The following CDH12 variants were observed in gnomAD, a reference collection of about 807,000 sequenced individuals.
CDH12 encodes the protein cadherin-12.
CDH12 carries 41 observed loss-of-function variants against 74.1 expected under a neutral mutation model. The ratio of observed to expected loss-of-function variants is 0.55; its 90% confidence interval spans 0.43 to 0.72. The LOEUF (loss-of-function observed/expected upper bound fraction) is 0.72, where lower values mean the gene tolerates loss of function less well. Ranked by LOEUF, CDH12 falls within the 30% of genes least tolerant of loss-of-function variation. The probability of loss-of-function intolerance (pLI) is 0.00; values close to 1 mark genes in which losing one functional copy is unlikely to be tolerated. For synonymous variants in CDH12, 399 were observed against 355.0 expected, an observed-to-expected ratio of 1.12 and a Z score of -1.39; for missense variants, 945 against 977.2, an observed-to-expected ratio of 0.97 and a Z score of 0.44.
chr5:22,425,445 T>C (rs906667522), intron 2 of CDH12, among the ~76,000 whole-genome samples: 2 of 151,466 alleles, frequency 1.3e-5, no homozygotes, highest in Non-Finnish European at 2.9e-5. Flanking sequence ...GCAGTTCCTG[T>C]AGCACAGCGT....
intron 4 of CDH12, among the ~76,000 whole-genome samples, chr5:22,156,486 T>G (rs1748030188): frequency 6.6e-6 from 1 of 152,138 alleles, no homozygotes; most frequent in African/African-American, 2.4e-5. Flanking sequence ...ATACTTTATG[T>G]AAAATCGTAT....
chr5:21,883,089 G>T, intron 6 of CDH12: 2 of 1,606,086 alleles, frequency 1.2e-6, no homozygotes, highest in African/African-American at 1.3e-5. Context: ...CACCCCTGAA[G>T]AAATTGCACA....
intron 1 of CDH12, among the ~76,000 whole-genome samples, chr5:22,671,653 T>C (rs1740904400): frequency 6.6e-6 from 1 of 152,032 alleles, no homozygotes; most frequent in Admixed American, 6.6e-5. Flanking sequence ...AGAAAGTGTT[T>C]ATAGGCCAAG....
rs548383646 is a variant in CDH12, at chr5:22,504,280, T to C, written c.-428+990A>G. Reference sequence around the variant, plus strand: ...AAATTTGTATTTTTTTCCTCAAATCTGATAGCTGAAATTAATTGATAATGT... The same window carrying C: ...AAATTTGTATTTTTTTCCTCAAATCCGATAGCTGAAATTAATTGATAATGT... On this transcript the variant is annotated intron_variant, in intron 2 of 14. Transcript: ENST00000382254. 1.5e-4 allele frequency among the ~76,000 whole-genome samples: 23 copies of C among 152,150 alleles called. 1 individual carries two copies. The South Asian group carries it at 4.8e-3, about 32-fold the overall frequency.
At chr5:22,750,784 C>T (rs907962418) in intron 1 of CDH12, among the ~76,000 whole-genome samples, 2 of 151,762 alleles carry the variant, frequency 1.3e-5, no homozygotes, top group African/African-American at 2.4e-5. Flanking sequence ...AGTAAAATAC[C>T]TGCAAGATAC....
intron 3 of CDH12, among the ~76,000 whole-genome samples, chr5:22,339,288 C>G (rs1297150736): frequency 6.6e-6 from 1 of 152,096 alleles, no homozygotes. Context: ...GGATTTCAAA[C>G]CTTAGGTTGG....
At chr5:21,918,135 C>T (rs17299528) in intron 6 of CDH12, among the ~76,000 whole-genome samples, 6,322 of 104,664 alleles carry the variant, frequency 0.06, 180 homozygotes, top group Middle Eastern at 0.11. Context: ...TGATACACTG[C>T]TATTTTTAAA....
At chr5:21,932,511 T>A (rs1754886633) in intron 6 of CDH12, among the ~76,000 whole-genome samples, 1 of 152,164 alleles carries the variant, frequency 6.6e-6, no homozygotes, top group Non-Finnish European at 1.5e-5. Flanking sequence ...GTTTGAAACA[T>A]CCAGAATTTT....
At chr5:22,306,983 C>T (rs1738142411) in intron 3 of CDH12, among the ~76,000 whole-genome samples, 1 of 152,096 alleles carries the variant, frequency 6.6e-6, no homozygotes, top group African/African-American at 2.4e-5. Flanking sequence ...TAGTTATATG[C>T]TGATATGAAA....
At chr5:22,061,277 T>G (rs897884481) in intron 5 of CDH12, among the ~76,000 whole-genome samples, 4 of 152,168 alleles carry the variant, frequency 2.6e-5, no homozygotes, top group Admixed American at 2.6e-4. Flanking sequence ...TGATTAAATG[T>G]CAGGGGCAAT....
At chr5:22,092,488 G>C (rs1371233905) in intron 4 of CDH12, among the ~76,000 whole-genome samples, 2 of 152,018 alleles carry the variant, frequency 1.3e-5, no homozygotes, top group East Asian at 1.9e-4. Context: ...ATACACACAT[G>C]GACAATATGC....
chr5:22,505,658 C>T (rs2126663251), intron 1 of CDH12, among the ~76,000 whole-genome samples: 1 of 152,116 alleles, frequency 6.6e-6, no homozygotes, highest in South Asian at 2.1e-4. Flanking sequence ...ATTGAGTTCA[C>T]TAGTTTTTCT....
intron 4 of CDH12, among the ~76,000 whole-genome samples, chr5:22,117,282 A>G (rs1342594085): frequency 6.7e-6 from 1 of 150,174 alleles, no homozygotes; most frequent in Non-Finnish European, 1.5e-5. Flanking sequence ...ACAAAGAGCC[A>G]GACTCTAAAT....
chr5:22,783,130 G>A (rs942261536), intron 1 of CDH12, among the ~76,000 whole-genome samples: 4 of 152,022 alleles, frequency 2.6e-5, no homozygotes, highest in Admixed American at 1.3e-4. Context: ...AAATGACTAG[G>A]TTTTGCTTTT....
At chr5:22,265,794 TAA>T (rs945619148) in intron 3 of CDH12, among the ~76,000 whole-genome samples, 32 of 152,004 alleles carry the variant, frequency 2.1e-4, no homozygotes, top group Middle Eastern at 3.2e-3. Flanking sequence ...TAAGATAATA[TAA>T]GAGGGAAGAT....
chr5:21,994,764 A>G (rs1244435216), intron 5 of CDH12, among the ~76,000 whole-genome samples: 3 of 152,152 alleles, frequency 2.0e-5, no homozygotes, highest in Non-Finnish European at 4.4e-5. Context: ...TAGCTAAACG[A>G]TTGTAAACAC....
chr5:22,537,869 A>G (rs1737926221), intron 1 of CDH12, among the ~76,000 whole-genome samples: 1 of 152,232 alleles, frequency 6.6e-6, no homozygotes, highest in African/African-American at 2.4e-5. Flanking sequence ...TGAAGACTTT[A>G]AGAAAAGGCT....
rs1278108843 is a variant in CDH12, at chr5:22,493,820, G to A, written c.-428+11450C>T. ...CCACAGGGCCTTAGATGAGACCATG[G>A]GACCTGGAAACAAGCCTGCAATGTA... On this transcript the variant is annotated intron_variant, in intron 2 of 14. Coordinates refer to ENST00000382254, the MANE Select transcript of CDH12 (RefSeq NM_004061.5). Among the ~76,000 whole-genome samples, 5 of 152,084 alleles carry A rather than the reference G, an allele frequency of 3.3e-5. No individual in the cohort carries two copies. In the East Asian group the frequency reaches 9.7e-4, roughly 29 times the overall value.
chr5:22,441,365 A>G (rs1310645685), intron 2 of CDH12, among the ~76,000 whole-genome samples: 2 of 152,172 alleles, frequency 1.3e-5, no homozygotes, highest in East Asian at 3.8e-4. Context: ...GGTAGCTTGC[A>G]TATCATTGAA....
Sources: allele counts gnomAD v4.1 joint callset (sites outside exome capture counted in the v4.1 genomes callset), GRCh38; gene constraint gnomAD v4.1.1; transcripts MANE v1.5; gene names NCBI Gene and HGNC (gene_info 2026-07-23, HGNC 2026-07-21).